ZRANB1: variants seen among roughly 807,000 people sequenced by gnomAD.
The protein encoded by ZRANB1 is ubiquitin thioesterase ZRANB1.
ZRANB1 carries 16 observed loss-of-function variants against 80.5 expected under a neutral mutation model. The observed-to-expected ratio is 0.20, with a 90% CI of 0.13 to 0.30. The LOEUF is 0.30. Ranked by LOEUF, ZRANB1 falls within the 10% of genes least tolerant of loss-of-function variation. ZRANB1 has a pLI of 1.00. For missense variants in ZRANB1, 576 were observed against 862.6 expected, an observed-to-expected ratio of 0.67 and a Z score of 4.16; for synonymous variants, 291 against 293.1, an observed-to-expected ratio of 0.99 and a Z score of 0.07.
intron 1 of ZRANB1, 53 bp from the exon 2 acceptor site, chr10:124,966,540 GT>G: frequency 6.4e-7 from 1 of 1,570,026 alleles, no homozygotes; most frequent in Non-Finnish European, 8.7e-7. Context: ...TACGGTTTGT[GT>G]TTTTTGAAGA....
intron 1 of ZRANB1, among the ~76,000 whole-genome samples, chr10:124,963,285 A>AT (rs1410266194): frequency 1.3e-5 from 2 of 151,398 alleles, no homozygotes; most frequent in Non-Finnish European, 1.5e-5. Context: ...AAAAAAAAAA[A>AT]AAAATGCTTC....
chr10:124,921,276 C>T, the ZRANB1 span, among the ~76,000 whole-genome samples: 1 of 152,144 alleles, frequency 6.6e-6, no homozygotes. Flanking sequence ...TCTGTAGCCT[C>T]AGTTTGTATT....
chr10:124,930,033 C>A, the ZRANB1 span, among the ~76,000 whole-genome samples: 8 of 151,806 alleles, frequency 5.3e-5, no homozygotes, highest in African/African-American at 1.7e-4. Flanking sequence ...ACCTAAAGCT[C>A]CGTACAAAAC....
chr10:124,964,854 A>G (rs142111317), intron 1 of ZRANB1, among the ~76,000 whole-genome samples: 26 of 152,358 alleles, frequency 1.7e-4, no homozygotes, highest in African/African-American at 6.0e-4. Context: ...AAGTGAAAGG[A>G]GATGGTGTGG....
chr10:124,945,713 T>G (rs1215354193), intron 1 of ZRANB1: 2 of 152,216 alleles, frequency 1.3e-5, no homozygotes. Context: ...TTTGTCTTTA[T>G]GACATTATTT....
chr10:124,964,660 G>T (rs540347277), intron 1 of ZRANB1, among the ~76,000 whole-genome samples: 1 of 152,236 alleles, frequency 6.6e-6, no homozygotes, highest in African/African-American at 2.4e-5. Context: ...CAGACTCTTG[G>T]GTTGTTTTTG....
At chr10:124,953,639 C>T (rs1478351421) in intron 1 of ZRANB1, among the ~76,000 whole-genome samples, 1 of 152,208 alleles carries the variant, frequency 6.6e-6, no homozygotes, top group Non-Finnish European at 1.5e-5. Flanking sequence ...GTTCTGTTTG[C>T]TCTGCTCATG....
chr10:124,922,300 A>AATAT, the ZRANB1 span, among the ~76,000 whole-genome samples: 17 of 24,870 alleles, frequency 6.8e-4, no homozygotes, highest in Non-Finnish European at 3.1e-3. Flanking sequence ...ATATATGTAA[A>AATAT]ATATATATAT....
At chr10:124,970,546 G>A (rs1951814800) in intron 2 of ZRANB1, among the ~76,000 whole-genome samples, 1 of 152,182 alleles carries the variant, frequency 6.6e-6, no homozygotes, top group South Asian at 2.1e-4. Flanking sequence ...ACAGGTGTGA[G>A]CCACTGCACC....
chr10:124,957,599 T>C (rs190139807), intron 1 of ZRANB1, among the ~76,000 whole-genome samples: 1 of 152,274 alleles, frequency 6.6e-6, no homozygotes, highest in African/African-American at 2.4e-5. Flanking sequence ...TCATTCTACT[T>C]CCTGTCAATC....
At chr10:124,968,931 A>G (rs1473562601) in intron 2 of ZRANB1, among the ~76,000 whole-genome samples, 1 of 152,224 alleles carries the variant, frequency 6.6e-6, no homozygotes, top group Admixed American at 6.5e-5. Context: ...TGTGAGGGTT[A>G]GAATCCAGGA....
intron 5 of ZRANB1, among the ~76,000 whole-genome samples, chr10:124,976,681 C>G (rs747384907): frequency 6.7e-6 from 1 of 148,372 alleles, no homozygotes; most frequent in Non-Finnish European, 1.5e-5. Context: ...AAGCAATTCT[C>G]GTGCCTCAGC....
intron 1 of ZRANB1, among the ~76,000 whole-genome samples, chr10:124,956,546 G>A (rs113964606): frequency 0.01 from 1,569 of 152,256 alleles, 23 homozygotes; most frequent in African/African-American, 0.036. Context: ...TGGGCTCACT[G>A]CAATCTCTGC....
chr10:124,977,121 C>T (rs11592480), intron 5 of ZRANB1, among the ~76,000 whole-genome samples: 12,349 of 151,410 alleles, frequency 0.082, 687 homozygotes, highest in Admixed American at 0.16. Context: ...TAGGAGTGTG[C>T]CACCACACGT....
At chr10:124,973,778 A>G in intron 4 of ZRANB1, 62 bp downstream of exon 4, 2 of 1,452,950 alleles carry the variant, frequency 1.4e-6, no homozygotes, top group South Asian at 2.4e-5. Flanking sequence ...TTTGTTTAGT[A>G]AGGCATGGTG....
intron 5 of ZRANB1, among the ~76,000 whole-genome samples, chr10:124,978,604 C>T (rs2133992836): frequency 6.6e-6 from 1 of 151,732 alleles, no homozygotes; most frequent in African/African-American, 2.4e-5. Context: ...GGAAAAAAAT[C>T]AATATAAGTC....
the ZRANB1 span, among the ~76,000 whole-genome samples, chr10:124,934,549 T>C: frequency 6.6e-6 from 1 of 151,766 alleles, no homozygotes; most frequent in African/African-American, 2.4e-5. Flanking sequence ...GGAACAAACA[T>C]TTATTGAACA....
the ZRANB1 span, among the ~76,000 whole-genome samples, chr10:124,922,313 ATGTAAAATATATG>A: frequency 0.13 from 3,227 of 25,740 alleles, 99 homozygotes; most frequent in Non-Finnish European, 0.2. Context: ...ATATATATAT[ATGTAAAATATATG>A]TATATATATA....
At position 124,974,262 on chromosome 10, in the gene ZRANB1, C is replaced by T. The variant is rs1386244066; in HGVS notation, c.1291C>T (p.Arg431Ter). The change falls in exon 5 of 9, where the codon CGA becomes TGA. Residue 431 changes from arginine (R) to a stop codon, truncating the protein, a stop_gained. Transcript: ENST00000359653. LOFTEE classifies it high-confidence loss of function. ...GGAATTGGCTACACGTTTGGACAGT[C>T]GACTGTATGCACTTTGGAACCGGAC... ...SLELATRLDSRLYALWNRTAG... is the reference protein window; with the variant it reads ...SLELATRLDS 2.5e-6 allele frequency: 4 copies of T among 1,614,110 alleles called. No individual in the cohort carries two copies. Among genetic ancestry groups the T allele is most frequent in the South Asian group, 1.1e-5 (1 of 91,086 alleles).
Sources: gnomAD v4.1 joint callset for allele counts (sites outside exome capture counted in the v4.1 genomes callset) on GRCh38, gnomAD v4.1.1 for gene constraint, MANE v1.5 for transcripts, NCBI Gene and HGNC (gene_info 2026-07-23, HGNC 2026-07-21) for gene names.